Variants in NUBPL observed in about 807,000 individuals in gnomAD.
NUBPL encodes iron-sulfur cluster transfer protein NUBPL.
A neutral mutation model predicts 45.7 loss-of-function variants in NUBPL; 31 were observed. The observed-to-expected ratio is 0.68, with a 90% CI of 0.51 to 0.92. NUBPL has a LOEUF of 0.92. Among genes scored for constraint, NUBPL ranks in the 40% least tolerant of loss-of-function variants. The pLI is 0.00. For missense variants in NUBPL, 401 were observed against 398.7 expected (o/e 1.01, Z -0.05); for synonymous variants, 144 against 140.9 (o/e 1.02, Z -0.15).
chr14:31,697,149 G>C (rs931115715), intron 6 of NUBPL, among the ~76,000 whole-genome samples: 1 of 152,208 alleles, frequency 6.6e-6, no homozygotes, highest in African/African-American at 2.4e-5. Flanking sequence ...AGAGGTCCTG[G>C]AACAGTTCAT....
chr14:31,653,976 C>G, intron 4 of NUBPL: 1 of 402,254 alleles, frequency 2.5e-6, no homozygotes, highest in Admixed American at 2.5e-5. Context: ...ATCTGTCTCT[C>G]CTATTGACTT....
intron 10 of NUBPL, among the ~76,000 whole-genome samples, chr14:31,854,957 A>G (rs756573358): frequency 3.0e-4 from 45 of 152,222 alleles, no homozygotes; most frequent in Non-Finnish European, 3.4e-4. Context: ...GCAACTGACA[A>G]TCTATTACTT....
intron 6 of NUBPL, among the ~76,000 whole-genome samples, chr14:31,734,185 A>G (rs752725067): frequency 6.6e-6 from 1 of 151,928 alleles, no homozygotes; most frequent in Non-Finnish European, 1.5e-5. Context: ...TTCACGGGTG[A>G]TGTTGTTCTA....
intron 6 of NUBPL, among the ~76,000 whole-genome samples, chr14:31,750,040 T>A (rs2038486927): frequency 1.3e-5 from 2 of 152,168 alleles, no homozygotes. Flanking sequence ...AGCTCCAAGA[T>A]TTCTGTTTGG....
intron 6 of NUBPL, among the ~76,000 whole-genome samples, chr14:31,696,434 C>A (rs762956114): frequency 4.6e-5 from 7 of 152,182 alleles, no homozygotes; most frequent in Non-Finnish European, 1.0e-4. Context: ...GTGGCTCTCT[C>A]CTTTGTCAAG....
At chr14:31,660,132 C>T (rs1230102602) in intron 4 of NUBPL, among the ~76,000 whole-genome samples, 1 of 152,204 alleles carries the variant, frequency 6.6e-6, no homozygotes, top group Non-Finnish European at 1.5e-5. Context: ...CTCATTTCCA[C>T]TTTTAGATAC....
At chr14:31,690,351 C>T (rs1047650838) in intron 6 of NUBPL, among the ~76,000 whole-genome samples, 1 of 152,190 alleles carries the variant, frequency 6.6e-6, no homozygotes, top group Non-Finnish European at 1.5e-5. Context: ...GACGTGTTTT[C>T]CTTGAAGTCA....
At chr14:31,663,498 C>A (rs2036325295) in intron 4 of NUBPL, among the ~76,000 whole-genome samples, 1 of 152,164 alleles carries the variant, frequency 6.6e-6, no homozygotes, top group Non-Finnish European at 1.5e-5. Context: ...AATAGGGAAT[C>A]CTTTTCCTAT....
intron 6 of NUBPL, among the ~76,000 whole-genome samples, chr14:31,778,924 A>G (rs2039143847): frequency 6.6e-6 from 1 of 152,204 alleles, no homozygotes; most frequent in Non-Finnish European, 1.5e-5. Context: ...CTTTGGCTAA[A>G]AGACATGACC....
At chr14:31,621,503 T>C (rs562590242) in intron 4 of NUBPL, among the ~76,000 whole-genome samples, 28 of 152,294 alleles carry the variant, frequency 1.8e-4, no homozygotes, top group Non-Finnish European at 2.1e-4. Flanking sequence ...ACAGTTCCTC[T>C]TGGTACAGTC....
At chr14:31,838,072 C>T (rs181097497) in intron 8 of NUBPL, among the ~76,000 whole-genome samples, 3 of 151,994 alleles carry the variant, frequency 2.0e-5, no homozygotes, top group East Asian at 3.9e-4. Context: ...AACAAGTAAA[C>T]GGTTGAACAA....
intron 6 of NUBPL, among the ~76,000 whole-genome samples, chr14:31,693,478 C>A (rs1325309845): frequency 6.6e-6 from 1 of 151,948 alleles, no homozygotes; most frequent in African/African-American, 2.4e-5. Context: ...TAAGTTATGC[C>A]TAAGTGTCAG....
At chr14:31,759,088 A>T (rs1211568618) in intron 6 of NUBPL, among the ~76,000 whole-genome samples, 1 of 152,306 alleles carries the variant, frequency 6.6e-6, no homozygotes, top group East Asian at 1.9e-4. Context: ...CAAAAAACAA[A>T]AAAAAAGGTC....
At chr14:31,607,904 A>G (rs947710179) in intron 4 of NUBPL, among the ~76,000 whole-genome samples, 5 of 152,192 alleles carry the variant, frequency 3.3e-5, no homozygotes, top group African/African-American at 7.2e-5. Context: ...ATAAAACAAA[A>G]CAGATTTAAC....
chr14:31,636,570 G>A (rs1221052965), intron 4 of NUBPL, among the ~76,000 whole-genome samples: 4 of 152,086 alleles, frequency 2.6e-5, no homozygotes, highest in Non-Finnish European at 5.9e-5. Context: ...TTGTGTCTCT[G>A]CCTGGCTTTG....
At chr14:31,600,158 G>A (rs1285323212) in intron 4 of NUBPL, among the ~76,000 whole-genome samples, 2 of 151,990 alleles carry the variant, frequency 1.3e-5, no homozygotes, top group East Asian at 3.9e-4. Flanking sequence ...CTGACCTCAG[G>A]TGATCCACCC....
At chr14:31,665,121 T>C (rs540897152) in intron 4 of NUBPL, among the ~76,000 whole-genome samples, 1 of 152,320 alleles carries the variant, frequency 6.6e-6, no homozygotes, top group East Asian at 1.9e-4. Flanking sequence ...TCTTTTCTTC[T>C]TTATTAGTCT....
At chr14:31,857,488 G>T (rs1365743068) in intron 10 of NUBPL, among the ~76,000 whole-genome samples, 1 of 152,280 alleles carries the variant, frequency 6.6e-6, no homozygotes, top group African/African-American at 2.4e-5. Flanking sequence ...TTCTCCTCAG[G>T]AAATGGGATT....
At chr14:31,688,099 AT>A (rs2036996958) in intron 6 of NUBPL, among the ~76,000 whole-genome samples, 1 of 152,242 alleles carries the variant, frequency 6.6e-6, no homozygotes, top group Admixed American at 6.5e-5. Flanking sequence ...CAAGAAAAAA[AT>A]GAAGTCATTA....
Sources: gnomAD v4.1 joint callset for allele counts (sites outside exome capture counted in the v4.1 genomes callset) on GRCh38, gnomAD v4.1.1 for gene constraint, MANE v1.5 for transcripts, NCBI Gene and HGNC (gene_info 2026-07-23, HGNC 2026-07-21) for gene names.